The following ALG9 variants were observed in gnomAD, a reference collection of about 807,000 sequenced individuals.
ALG9 encodes alpha-1,2-mannosyltransferase ALG9.
Under a neutral mutation model 81.8 loss-of-function variants are expected in ALG9, and 55 were observed. That is an observed-to-expected ratio of 0.67 (90% CI 0.54 to 0.84). The LOEUF (loss-of-function observed/expected upper bound fraction) is 0.84. Among genes scored for constraint, ALG9 ranks in the 40% least tolerant of loss-of-function variants. ALG9 has a pLI of 0.00. For synonymous variants in ALG9, 278 were observed against 274.3 expected, an observed-to-expected ratio of 1.01 and a Z score of -0.13; for missense variants, 629 against 745.0, an observed-to-expected ratio of 0.84 and a Z score of 1.81.
intron 8 of ALG9, among the ~76,000 whole-genome samples, chr11:111,847,121 C>G (rs1957057228): frequency 6.6e-6 from 1 of 152,038 alleles, no homozygotes; most frequent in Non-Finnish European, 1.5e-5. Context: ...GGAACTAAAT[C>G]ATAGTAAGAC....
At chr11:111,860,127 T>C (rs1555146626) in intron 5 of ALG9, among the ~76,000 whole-genome samples, 2 of 152,188 alleles carry the variant, frequency 1.3e-5, no homozygotes, top group East Asian at 3.8e-4. Context: ...GGTCTTTATG[T>C]ACAAATAACT....
intron 8 of ALG9, among the ~76,000 whole-genome samples, chr11:111,849,971 T>G (rs782153922): frequency 6.6e-6 from 1 of 152,110 alleles, no homozygotes; most frequent in Non-Finnish European, 1.5e-5. Context: ...CAACATGTAA[T>G]AAAGTGAAAG....
At chr11:111,838,749 C>T (rs1555120402) in intron 10 of ALG9, among the ~76,000 whole-genome samples, 2 of 151,906 alleles carry the variant, frequency 1.3e-5, no homozygotes, top group African/African-American at 2.4e-5. Flanking sequence ...ATAATGAGTA[C>T]TAATCTTTAC....
chr11:111,871,493 G>C lies in ALG9; in HGVS notation c.-11C>G, dbSNP rs1057523610. On this transcript the variant is annotated 5_prime_UTR_variant, in exon 1 of 15. Transcript: ENST00000616540. ...CCCTCGACTAGCCATGGCAAGCCTG[G>C]GGAAAAAAGAATTCGGCACCCTATG... 7.2e-6 allele frequency: 11 copies of C among 1,536,406 alleles called. No individual in the cohort carries two copies. Among genetic ancestry groups the C allele is most frequent in the Non-Finnish European group, 8.7e-6 (10 of 1,146,610 alleles).
rs1408928229 is a variant in ALG9, at chr11:111,786,950, C to T, written c.1734-430G>A. 3.3e-5 allele frequency among the ~76,000 whole-genome samples: 5 copies of T among 152,168 alleles called. No individual in the cohort carries two copies. In the East Asian group the frequency reaches 9.6e-4, roughly 29 times the overall value. Reference sequence around the variant, plus strand: ...TTTCCTGGAAAGGGCAAGAAAACTACATCCTGGGTACCTGTGCATAGTGTT... The same window carrying T: ...TTTCCTGGAAAGGGCAAGAAAACTATATCCTGGGTACCTGTGCATAGTGTT... On this transcript the variant is annotated intron_variant, in intron 14 of 14. Coordinates refer to ENST00000616540, the MANE Select transcript of ALG9 (RefSeq NM_024740.2).
At chr11:111,808,389 A>C (rs914260945) in intron 14 of ALG9, among the ~76,000 whole-genome samples, 1 of 152,194 alleles carries the variant, frequency 6.6e-6, no homozygotes, top group Non-Finnish European at 1.5e-5. Flanking sequence ...CCTCACTTCT[A>C]TGACCAAGCT....
intron 6 of ALG9, among the ~76,000 whole-genome samples, chr11:111,855,020 G>A (rs1263349960): frequency 2.0e-5 from 3 of 152,212 alleles, no homozygotes; most frequent in East Asian, 3.8e-4. Context: ...ATGAAATAGT[G>A]AATGAAAGGA....
At chr11:111,801,505 T>C (rs982101594) in intron 14 of ALG9, among the ~76,000 whole-genome samples, 1 of 152,268 alleles carries the variant, frequency 6.6e-6, no homozygotes, top group East Asian at 1.9e-4. Context: ...TGTTTTAGAA[T>C]GTAAACGGAC....
At chr11:111,851,006 C>T (rs1402975730) in intron 8 of ALG9, among the ~76,000 whole-genome samples, 1 of 152,190 alleles carries the variant, frequency 6.6e-6, no homozygotes, top group African/African-American at 2.4e-5. Context: ...CTGTTAAACG[C>T]TGACTGAAAT....
intron 13 of ALG9, among the ~76,000 whole-genome samples, chr11:111,831,355 A>G (rs74591583): frequency 6.6e-6 from 1 of 152,036 alleles, no homozygotes; most frequent in Non-Finnish European, 1.5e-5. Context: ...CTCCATAGAG[A>G]CAGGGTCTTT....
intron 3 of ALG9, 41 bp from the exon 4 acceptor site, chr11:111,865,292 T>C (rs111765214): frequency 1.4e-5 from 20 of 1,475,624 alleles, no homozygotes; most frequent in African/African-American, 8.5e-5. Context: ...GTCACAGATA[T>C]GAGCTAGAAA....
intron 3 of ALG9, among the ~76,000 whole-genome samples, chr11:111,866,756 C>T (rs1471299539): frequency 2.6e-5 from 4 of 151,516 alleles, no homozygotes; most frequent in African/African-American, 9.7e-5. Flanking sequence ...TCTGCTGAGC[C>T]CTTCACCCTT....
chr11:111,792,181 T>G (rs570616513), intron 14 of ALG9, among the ~76,000 whole-genome samples: 206 of 152,380 alleles, frequency 1.4e-3, no homozygotes, highest in African/African-American at 4.5e-3. Flanking sequence ...ACCTGTGTGT[T>G]TCTTCATTCT....
At chr11:111,779,860 T>C (rs1267267679), downstream of ALG9, among the ~76,000 whole-genome samples, 14 of 152,208 alleles carry the variant, frequency 9.2e-5, no homozygotes, top group African/African-American at 3.4e-4. Context: ...AACCTACAAC[T>C]GGAAATTCCC....
Position 111,809,636 on chromosome 11 carries a change from C to T in ALG9, c.1733+7G>A. 1 of 1,613,944 alleles carries T rather than the reference C, an allele frequency of 6.2e-7. No individual in the cohort carries two copies. ...CTGGAATATCCCATAGGATTAAAGC[C>T]ACATACCTAGAAGCATCAAGGAATG... On this transcript the variant is annotated splice_region_variant and intron_variant, in intron 14 of 14. Coordinates refer to ENST00000616540, the MANE Select transcript of ALG9 (RefSeq NM_024740.2).
Position 111,868,592 on chromosome 11 carries a change from C to G in ALG9, c.405+10G>C. The stretch of plus-strand genomic sequence containing the variant: ...CAATTGTGATTGCTTCCAGGTTGGT[C>G]TGCCCTTACCTTATTAGTTTGTAGA... On this transcript the variant is annotated intron_variant, in intron 3 of 14. Coordinates refer to ENST00000616540, the MANE Select transcript of ALG9 (RefSeq NM_024740.2). 6 of 1,611,094 alleles carry G rather than the reference C, an allele frequency of 3.7e-6. No homozygotes were observed. The highest frequency in any genetic ancestry group is 5.1e-6 in the Non-Finnish European group (6 of 1,178,420).
At chr11:111,797,403 CAT>C (rs1948459476) in intron 14 of ALG9, among the ~76,000 whole-genome samples, 1 of 152,252 alleles carries the variant, frequency 6.6e-6, no homozygotes. Flanking sequence ...AGCATCCAGA[CAT>C]ATGAGTGAGA....
chr11:111,860,405 T>C (rs1959664450), intron 5 of ALG9, 142 bp downstream of exon 5: 1 of 751,508 alleles, frequency 1.3e-6, no homozygotes, highest in Admixed American at 2.0e-5. Flanking sequence ...ATTATTGACA[T>C]GTTCTACAAA....
At chr11:111,860,821 A>G (rs797043898) in intron 4 of ALG9, among the ~76,000 whole-genome samples, 186 bp from the exon 5 acceptor site, 16 of 152,368 alleles carry the variant, frequency 1.1e-4, no homozygotes, top group African/African-American at 3.6e-4. Flanking sequence ...GACACAGAAG[A>G]GAAGCTCCCT....
Sources: allele counts gnomAD v4.1 joint callset (sites outside exome capture counted in the v4.1 genomes callset), GRCh38; gene constraint gnomAD v4.1.1; transcripts MANE v1.5; gene names NCBI Gene and HGNC (gene_info 2026-07-23, HGNC 2026-07-21).